Variants in AGA observed in about 807,000 individuals in gnomAD.
AGA encodes aspartylglucosaminidase.
AGA carries 31 observed loss-of-function variants against 40.1 expected under a neutral mutation model. The observed-to-expected ratio is 0.77, with a 90% CI of 0.58 to 1.04. AGA has a LOEUF of 1.04. Ranked by LOEUF, AGA falls within the 50% of genes least tolerant of loss-of-function variation. The pLI is 0.00. For synonymous variants in AGA, 148 were observed against 144.0 expected (o/e 1.03, Z -0.20); for missense variants, 445 against 435.4 (o/e 1.02, Z -0.20).
intron 6 of AGA, among the ~76,000 whole-genome samples, chr4:177,434,986 G>A (rs745356286): frequency 2.0e-5 from 3 of 151,640 alleles, no homozygotes; most frequent in Non-Finnish European, 2.9e-5. Flanking sequence ...TGCAACCTCC[G>A]CCTCCTGGGT....
intron 6 of AGA, among the ~76,000 whole-genome samples, chr4:177,435,427 C>T (rs1420266202): frequency 6.6e-6 from 1 of 152,182 alleles, no homozygotes; most frequent in Admixed American, 6.5e-5. Context: ...CACAGATTTA[C>T]AGTGACTATT....
At position 177,438,788 on chromosome 4, in the gene AGA, T is replaced by C. The variant is rs1736900896; in HGVS notation, c.464A>G (p.His155Arg). 2 of 1,611,272 alleles carry C rather than the reference T, an allele frequency of 1.2e-6. No homozygotes were observed. Among genetic ancestry groups the C allele is most frequent in the Non-Finnish European group, 8.5e-7 (1 of 1,177,352 alleles). Residue 155 changes from histidine (H) to arginine (R), a missense_variant, in exon 4 of 9, where the codon CAT becomes CGT. Transcript: ENST00000264595. ...GCAATTCCGAGCAAGCCAATCTGAATGAAGAGCTTGAGAAGCAGTGGTAGA... is the reference window on the plus strand; with the variant it reads ...GCAATTCCGAGCAAGCCAATCTGAACGAAGAGCTTGAGAAGCAGTGGTAGA... ...DLSTTASQAL[H>R]SDWLARNCQP...
chr4:177,438,952 T>A, intron 3 of AGA, 95 bp from the exon 4 acceptor site: 1 of 768,978 alleles, frequency 1.3e-6, no homozygotes, highest in Non-Finnish European at 2.3e-6. Context: ...AGCAGCATCT[T>A]AAGTGAGCTA....
At chr4:177,436,662 G>A (rs1236039229) in intron 5 of AGA, among the ~76,000 whole-genome samples, 1 of 152,206 alleles carries the variant, frequency 6.6e-6, no homozygotes, top group Non-Finnish European at 1.5e-5. Context: ...AAAACAAGCT[G>A]TCTCCAAACT....
intron 7 of AGA, among the ~76,000 whole-genome samples, chr4:177,434,035 C>T (rs1041112720): frequency 6.6e-6 from 1 of 152,046 alleles, no homozygotes; most frequent in African/African-American, 2.4e-5. Flanking sequence ...TTCTTGTTGC[C>T]CACACTGGAG....
intron 5 of AGA, 40 bp downstream of exon 5, chr4:177,437,361 TTAAC>T (rs746993909): frequency 7.6e-7 from 1 of 1,322,884 alleles, no homozygotes; most frequent in Admixed American, 1.7e-5. Context: ...AGGAAGATAA[TTAAC>T]TAAACTTTAT....
At chr4:177,434,566 G>A (rs1736746303) in intron 6 of AGA, 77 bp from the exon 7 acceptor site, 10 of 1,205,608 alleles carry the variant, frequency 8.3e-6, no homozygotes, top group Non-Finnish European at 1.1e-5. Context: ...TCCAAATAAG[G>A]GATAGTTCCA....
chr4:177,438,850 TGTG>T lies in AGA; in HGVS notation c.399_401del (p.Thr134del), dbSNP rs1736903819. ...TGATAAACCCCATACTTTGAGCAAA[TGTG>T]GTGGCTGGAGATTGGAAAAAAGGAA... On this transcript the variant is annotated inframe_deletion, in exon 4 of 9. Coordinates refer to ENST00000264595, the MANE Select transcript of AGA (RefSeq NM_000027.4). The T allele has an allele frequency of 6.4e-7, 1 of 1,572,262 alleles. No individual in the cohort carries two copies. The highest frequency in any genetic ancestry group is 1.3e-5 in the African/African-American group (1 of 74,202).
At chr4:177,434,243 T>G in intron 7 of AGA, 139 bp downstream of exon 7, 1 of 769,780 alleles carries the variant, frequency 1.3e-6, no homozygotes, top group Non-Finnish European at 2.3e-6. Context: ...CCTCAGGTGA[T>G]CCACCTGCCT....
At position 177,431,088 on chromosome 4, in the gene AGA, A is replaced by C. The variant is rs1454081378; in HGVS notation, c.*620T>G. On this transcript the variant is annotated 3_prime_UTR_variant, in exon 9 of 9. Coordinates refer to ENST00000264595, the MANE Select transcript of AGA (RefSeq NM_000027.4). ...TCTTGTGGCTTTAGAACTTTCACAC[A>C]CTGAGAGCTCCATAAGAGGAAAAAA... 4.4e-6 allele frequency: 2 copies of C among 453,226 alleles called. No homozygotes were observed. The highest frequency in any genetic ancestry group is 8.8e-6 in the Non-Finnish European group (2 of 226,398). The allele number at this position is 453,226 out of a possible 1,614,324, so 28.1% of individuals were successfully genotyped here. A position where few individuals can be genotyped will look rare whatever the true frequency, so the allele number is the denominator to read the frequency against.
At chr4:177,436,431 TAAC>T in intron 5 of AGA, 80 bp from the exon 6 acceptor site, 31 of 1,085,856 alleles carry the variant, frequency 2.9e-5, no homozygotes, top group Non-Finnish European at 4.1e-5. Context: ...CAACTGGTAA[TAAC>T]TGCTGTGCTC....
At chr4:177,440,939 AAC>A (rs887135634) in intron 1 of AGA, among the ~76,000 whole-genome samples, 2 of 152,214 alleles carry the variant, frequency 1.3e-5, no homozygotes, top group African/African-American at 4.8e-5. Flanking sequence ...GAGTCTTCAT[AAC>A]AGCTTCTGTG....
rs1736851295 is a variant in AGA, at chr4:177,437,208, G to C, written c.622+197C>G. 3 of 551,286 alleles carry C rather than the reference G, an allele frequency of 5.4e-6. No homozygotes were observed. The Admixed American group carries it at 1.0e-4, about 19-fold the overall frequency. The allele number at this position is 551,286 out of a possible 1,614,324, so 34.1% of individuals were successfully genotyped here. On this transcript the variant is annotated intron_variant, in intron 5 of 8. Transcript: ENST00000264595. Reference sequence around the variant, plus strand: ...AAAAATCCGCAAGTGAATAGTCATTGGGTTTTAGGTGTCTTGTATAAATAA... The same window carrying C: ...AAAAATCCGCAAGTGAATAGTCATTCGGTTTTAGGTGTCTTGTATAAATAA...
At position 177,432,675 on chromosome 4, in the gene AGA, T is replaced by C. The variant is rs3805166; in HGVS notation, c.940+539A>G. Among the ~76,000 whole-genome samples the C allele has an allele frequency of 7.3e-3, 1,109 of 152,268 alleles. 25 individuals carry two copies. Among genetic ancestry groups the C allele is most frequent in the Admixed American group, 0.038 (588 of 15,292 alleles). Reference sequence around the variant, plus strand: ...ACTAATGAGAATCAGCAGTGGCTGATCTTAAAATGCTTTGAAACTGTGATA... The same window carrying C: ...ACTAATGAGAATCAGCAGTGGCTGACCTTAAAATGCTTTGAAACTGTGATA... On this transcript the variant is annotated intron_variant, in intron 8 of 8. Transcript: ENST00000264595.
At position 177,438,873 on chromosome 4, in the gene AGA, A is replaced by T; in HGVS notation, c.395-16T>A. ...AATGTGGTGGCTGGAGATTGGAAAA[A>T]AGGAAAGTATAAATTATTCAAGTAT... On this transcript the variant is annotated splice_polypyrimidine_tract_variant and intron_variant, in intron 3 of 8. Coordinates refer to ENST00000264595, the MANE Select transcript of AGA (RefSeq NM_000027.4). The T allele has an allele frequency of 6.9e-7, 1 of 1,441,680 alleles. No individual in the cohort carries two copies. Among genetic ancestry groups the T allele is most frequent in the Middle Eastern group, 1.7e-4 (1 of 5,740 alleles). The allele number at this position is 1,441,680 out of a possible 1,614,324, so 89.3% of individuals were successfully genotyped here.
rs1363084390 is a variant in AGA at position 177,442,408 on chromosome 4, G to C, written c.-33C>G. 6.2e-7 allele frequency: 1 copy of C among 1,613,604 alleles called. No individual in the cohort carries two copies. The highest frequency in any genetic ancestry group is 1.1e-5 in the South Asian group (1 of 91,058). On this transcript the variant is annotated 5_prime_UTR_variant, in exon 1 of 9. Transcript: ENST00000264595. ...CACCGAAGAGACCAGCGCGAGAAAA[G>C]TCCCGGCAGCCAGCGATCGCCGAAC...
intron 2 of AGA, 123 bp downstream of exon 2, chr4:177,440,150 A>G (rs1159790086): frequency 4.2e-6 from 5 of 1,194,400 alleles, no homozygotes; most frequent in Non-Finnish European, 6.2e-6. Context: ...AGAAAGGTCA[A>G]GTATAATAAG....
chr4:177,434,582 C>T (rs1313555418), intron 6 of AGA, 93 bp from the exon 7 acceptor site: 12 of 995,670 alleles, frequency 1.2e-5, no homozygotes, highest in Middle Eastern at 2.1e-4. Context: ...TTCCACTTAG[C>T]CTCTGATACC....
rs386833429 is a variant in AGA at position 177,442,332 on chromosome 4, A to C, written c.44T>G (p.Leu15Arg). Residue 15 changes from leucine (L) to arginine (R), a missense_variant, in exon 1 of 9, where the codon CTG (leucine) becomes CGG (arginine). By Grantham distance (102) the Leu-to-Arg change is moderately radical (BLOSUM62 -2). Transcript: ENST00000264595. ...SNLPVLLVPF[L>R]LCQALVRCSS... ...GCAGCGCACTAGGGCCTGGCAGAGC[A>C]GAAACGGCACGAGAAGCACAGGCAA... The C allele has an allele frequency of 1.9e-6, 3 of 1,614,120 alleles. No individual in the cohort carries two copies. Among genetic ancestry groups the C allele is most frequent in the Non-Finnish European group, 8.5e-7 (1 of 1,179,948 alleles).
Sources: gnomAD v4.1 joint callset for allele counts (sites outside exome capture counted in the v4.1 genomes callset) on GRCh38, gnomAD v4.1.1 for gene constraint, MANE v1.5 for transcripts, NCBI Gene and HGNC (gene_info 2026-07-23, HGNC 2026-07-21) for gene names.